The following SLC2A9 variants were observed in gnomAD, a reference collection of about 807,000 sequenced individuals.
SLC2A9 encodes the protein solute carrier family 2 member 9, also known as solute carrier family 2, facilitated glucose transporter member 9.
A neutral mutation model predicts 50.6 loss-of-function variants in SLC2A9; 39 were observed. The ratio of observed to expected loss-of-function variants is 0.77; its 90% CI spans 0.60 to 1.01. The LOEUF (loss-of-function observed/expected upper bound fraction) is 1.01. Ranked by LOEUF, SLC2A9 falls within the 50% of genes least tolerant of loss-of-function variation. The pLI, the probability that SLC2A9 is intolerant of heterozygous loss-of-function variation, is 0.00. For synonymous variants in SLC2A9, 324 were observed against 276.9 expected, an observed-to-expected ratio of 1.17 and a Z score of -1.69; for missense variants, 686 against 677.6, an observed-to-expected ratio of 1.01 and a Z score of -0.14.
At chr4:9,814,793 T>C (rs1467484920) in intron 3 of SLC2A9, among the ~76,000 whole-genome samples, 1 of 152,096 alleles carries the variant, frequency 6.6e-6, no homozygotes, top group Non-Finnish European at 1.5e-5. Context: ...TCGCATTTTC[T>C]GATGTCTCAG....
intron 5 of SLC2A9, among the ~76,000 whole-genome samples, chr4:9,973,661 T>C (rs571813171): frequency 2.4e-5 from 3 of 123,940 alleles, no homozygotes; most frequent in Admixed American, 1.1e-4. Context: ...AATTGAACAA[T>C]GAGAACACAT....
intron 10 of SLC2A9, among the ~76,000 whole-genome samples, chr4:9,870,872 G>A (rs984353912): frequency 1.3e-5 from 2 of 152,188 alleles, no homozygotes; most frequent in Admixed American, 6.5e-5. Flanking sequence ...AAGGATTAGG[G>A]TGAGTGTGGC....
chr4:9,890,737 A>C lies in SLC2A9; in HGVS notation c.1114-26T>G, dbSNP rs774201073. On this transcript the variant is annotated intron_variant, in intron 8 of 11. Transcript: ENST00000264784. Reference sequence around the variant, plus strand: ...CTAGTCCAGGGTAAAAGAGAGAGAGAGAGCTATTATTCCATTTCTAACCAC... The same window carrying C: ...CTAGTCCAGGGTAAAAGAGAGAGAGCGAGCTATTATTCCATTTCTAACCAC... 2.3e-5 allele frequency: 36 copies of C among 1,586,460 alleles called. No homozygotes were observed. In the Admixed American group the frequency reaches 2.8e-4, roughly 13 times the overall value.
intron 5 of SLC2A9, among the ~76,000 whole-genome samples, chr4:9,968,032 A>C (rs975216117): frequency 6.6e-6 from 1 of 152,182 alleles, no homozygotes; most frequent in African/African-American, 2.4e-5. Flanking sequence ...CCCTTATGTT[A>C]AAGCAACAAA....
intron 1 of SLC2A9, among the ~76,000 whole-genome samples, chr4:10,027,083 A>G (rs1763780683): frequency 6.6e-6 from 1 of 152,066 alleles, no homozygotes; most frequent in South Asian, 2.1e-4. Flanking sequence ...ACAAAAAGCG[A>G]CATCTTTTAT....
intron 8 of SLC2A9, among the ~76,000 whole-genome samples, chr4:9,900,066 A>C (rs527604533): frequency 6.6e-6 from 1 of 152,350 alleles, no homozygotes; most frequent in South Asian, 2.1e-4. Context: ...AGTAGAAAAA[A>C]AAATAGCTCT....
intron 6 of SLC2A9, among the ~76,000 whole-genome samples, chr4:9,936,371 T>C (rs1330769613): frequency 6.6e-6 from 1 of 152,072 alleles, no homozygotes; most frequent in East Asian, 1.9e-4. Flanking sequence ...CACACAGCTG[T>C]GGTATGGGGA....
intron 8 of SLC2A9, 122 bp downstream of exon 8, chr4:9,908,113 A>C (rs1437272415): frequency 4.3e-5 from 33 of 766,404 alleles, no homozygotes; most frequent in Non-Finnish European, 7.8e-5. Flanking sequence ...ATAGGAAACC[A>C]CATTGTCCTA....
chr4:9,903,592 G>A (rs1226710653), intron 8 of SLC2A9, among the ~76,000 whole-genome samples: 2 of 152,030 alleles, frequency 1.3e-5, no homozygotes, highest in Admixed American at 6.5e-5. Context: ...CAGATCAAAT[G>A]AGCAAAGATG....
chr4:9,806,421 AC>A (rs1722124010), intron 3 of SLC2A9, among the ~76,000 whole-genome samples: 2 of 152,198 alleles, frequency 1.3e-5, no homozygotes. Flanking sequence ...TTAATCTACA[AC>A]CTATAGAAAT....
At chr4:9,791,498 G>T (rs1263383470) in intron 3 of SLC2A9, among the ~76,000 whole-genome samples, 5 of 152,194 alleles carry the variant, frequency 3.3e-5, no homozygotes, top group African/African-American at 4.8e-5. Context: ...TGATGCTGAA[G>T]GGGGAGGAGA....
chr4:9,982,366 C>T (rs2109111790), intron 4 of SLC2A9, among the ~76,000 whole-genome samples: 1 of 152,346 alleles, frequency 6.6e-6, no homozygotes, highest in Middle Eastern at 3.4e-3. Context: ...CCACGTGCCA[C>T]AAGTCGGAAA....
At chr4:9,782,915 A>C in intron 3 of SLC2A9, 1 of 1,614,008 alleles carries the variant, frequency 6.2e-7, no homozygotes. Flanking sequence ...CAAGGTTCTC[A>C]AGACCCTGTC....
At chr4:9,889,572 C>T (rs1283362837) in intron 9 of SLC2A9, among the ~76,000 whole-genome samples, 3 of 152,214 alleles carry the variant, frequency 2.0e-5, no homozygotes, top group Non-Finnish European at 2.9e-5. Context: ...GCTTCCACCT[C>T]CTGCCGGTCA....
At chr4:10,027,053 A>G (rs79911751) in intron 1 of SLC2A9, among the ~76,000 whole-genome samples, 2 of 149,822 alleles carry the variant, frequency 1.3e-5, no homozygotes, top group Admixed American at 1.3e-4. Flanking sequence ...CAAAAAAACA[A>G]AAAAAAAAAG....
chr4:9,919,286 A>G (rs1743471133), intron 7 of SLC2A9, among the ~76,000 whole-genome samples: 1 of 152,178 alleles, frequency 6.6e-6, no homozygotes, highest in Non-Finnish European at 1.5e-5. Flanking sequence ...CGCCTGCTCA[A>G]TCTGCTGACT....
intron 2 of SLC2A9, among the ~76,000 whole-genome samples, chr4:10,013,696 T>C (rs574271465): frequency 1.3e-5 from 2 of 152,292 alleles, no homozygotes; most frequent in South Asian, 2.1e-4. Context: ...CTGAGCGTTT[T>C]TAAGGTTGAG....
At chr4:9,845,469 G>A (rs557875511) in intron 10 of SLC2A9, among the ~76,000 whole-genome samples, 275 of 109,784 alleles carry the variant, frequency 2.5e-3, no homozygotes, top group Middle Eastern at 8.1e-3. Flanking sequence ...TCGCTCTGTC[G>A]CCCAGGCTGG....
intron 5 of SLC2A9, among the ~76,000 whole-genome samples, chr4:9,961,350 C>T (rs571086202): frequency 1.7e-4 from 26 of 152,292 alleles, no homozygotes; most frequent in African/African-American, 6.3e-4. Context: ...GGTACTGATA[C>T]AAAAACAGAC....
Sources: allele counts gnomAD v4.1 joint callset (sites outside exome capture counted in the v4.1 genomes callset), GRCh38; gene constraint gnomAD v4.1.1; transcripts MANE v1.5; gene names NCBI Gene and HGNC (gene_info 2026-07-23, HGNC 2026-07-21).